The following FKBP4 variants were observed in gnomAD, a reference collection of about 807,000 sequenced individuals.
FKBP4 encodes the protein peptidyl-prolyl cis-trans isomerase FKBP4.
Under a neutral mutation model 54.1 loss-of-function variants are expected in FKBP4, and 28 were observed. The observed-to-expected ratio is 0.52, with a 90% CI of 0.38 to 0.71. The LOEUF (loss-of-function observed/expected upper bound fraction) is 0.71, where lower values mean the gene tolerates loss of function less well. FKBP4 is among the 30% of genes least tolerant of loss of function. The pLI is 0.00. For synonymous variants in FKBP4, 223 were observed against 216.1 expected (o/e 1.03, Z -0.28); for missense variants, 493 against 574.4 (o/e 0.86, Z 1.45).
intron 5 of FKBP4, 41 bp from the exon 6 acceptor site, chr12:2,799,809 A>C: frequency 3.2e-6 from 5 of 1,541,412 alleles, no homozygotes; most frequent in Non-Finnish European, 4.5e-6. Flanking sequence ...GAGCAGGTTA[A>C]GTGTTGCCAA....
At chr12:2,802,773 G>A (rs1730006810) in intron 9 of FKBP4, among the ~76,000 whole-genome samples, 1 of 152,136 alleles carries the variant, frequency 6.6e-6, no homozygotes, top group Admixed American at 6.5e-5. Context: ...TGCCGCCCAG[G>A]CTGGAGTGCA....
rs2097902689 is a variant in FKBP4 at position 2,797,759 on chromosome 12, T to G, written c.281T>G (p.Ile94Arg). 1 of 1,613,690 alleles carries G rather than the reference T, an allele frequency of 6.2e-7. No individual in the cohort carries two copies. The highest frequency in any genetic ancestry group is 8.5e-7 in the Non-Finnish European group (1 of 1,179,806). ...GEVIKAWDIA[I>R]ATMKVGEVCH... ...GTCATCAAGGCTTGGGACATTGCCA[T>G]AGCCACCATGAAGGTGGGGGAGGTG... The change falls in exon 3 of 10, where the codon ATA becomes AGA. Residue 94 changes from isoleucine to arginine, a missense_variant. Transcript: ENST00000001008.
Position 2,795,097 on chromosome 12 carries a change from C to T in FKBP4, c.-43C>T. On this transcript the variant is annotated 5_prime_UTR_variant, in exon 1 of 10. Transcript: ENST00000001008. This position sits in a 1 kb window ranked among gnomAD's most constrained non-coding sequence, Gnocchi z 4.3. The stretch of plus-strand genomic sequence containing the variant: ...CCCCGCCCGCGGCCCAGAGTGCGCT[C>T]GCGCCGGCACCAGCTCCCGGATAAA... 1 of 1,228,106 alleles carries T rather than the reference C, an allele frequency of 8.1e-7. No individual in the cohort carries two copies. Among genetic ancestry groups the T allele is most frequent in the Non-Finnish European group, 1.0e-6 (1 of 961,688 alleles). 76.1% of individuals were successfully genotyped at this position (1,228,106 alleles called of 1,614,324 possible). A position where few individuals can be genotyped will look rare whatever the true frequency, so the allele number is the denominator to read the frequency against.
In FKBP4 at chr12:2,797,199, A is replaced by G. The variant is rs747165184; in HGVS notation, c.167A>G (p.His56Arg). 6.2e-6 allele frequency: 10 copies of G among 1,613,850 alleles called. No individual in the cohort carries two copies. The highest frequency in any genetic ancestry group is 7.6e-6 in the Non-Finnish European group (9 of 1,179,862). The part of the protein sequence containing the change: ...MPMIGDRVFV[H>R]YTGWLLDGTK... ...ATGATTGGGGACCGAGTCTTTGTCC[A>G]CTACACTGGCTGGCTATTAGATGGC... Residue 56 changes from histidine (H) to arginine (R), a missense_variant, in exon 2 of 10, where the codon CAC becomes CGC. Coordinates refer to ENST00000001008, the MANE Select transcript of FKBP4 (RefSeq NM_002014.4).
intron 9 of FKBP4, 113 bp downstream of exon 9, chr12:2,801,469 T>G: frequency 1.3e-6 from 2 of 1,484,788 alleles, no homozygotes; most frequent in Non-Finnish European, 1.9e-6. Context: ...AGAAGTTGCC[T>G]TTTCCCTGGA....
chr12:2,797,323 G>A lies in FKBP4; in HGVS notation c.250+41G>A, dbSNP rs146009454. 8,178 of 1,609,716 alleles carry A rather than the reference G, an allele frequency of 5.1e-3. 18 individuals are homozygous for A. The highest frequency in any genetic ancestry group is 6.4e-3 in the Non-Finnish European group (7,542 of 1,177,284). ...GGGCTGGTAGGATAGGTTCGAGGTGGACACAAGCTGTCACAAGCAGAAACC... is the reference window on the plus strand; with the variant it reads ...GGGCTGGTAGGATAGGTTCGAGGTGAACACAAGCTGTCACAAGCAGAAACC... On this transcript the variant is annotated intron_variant, in intron 2 of 9. Coordinates refer to ENST00000001008, the MANE Select transcript of FKBP4 (RefSeq NM_002014.4).
chr12:2,798,052 T>G lies in FKBP4; in HGVS notation c.393+181T>G, dbSNP rs188311822. Among the ~76,000 whole-genome samples the G allele has an allele frequency of 6.6e-6, 1 of 152,270 alleles. No individual in the cohort carries two copies. Among genetic ancestry groups the G allele is most frequent in the East Asian group, 1.9e-4 (1 of 5,182 alleles). On this transcript the variant is annotated intron_variant, in intron 3 of 9. Transcript: ENST00000001008. This position sits in a 1 kb window ranked among gnomAD's most constrained non-coding sequence, Gnocchi z 4.3. Reference sequence around the variant, plus strand: ...GCTAGTAATGGAAGTAATAGAAGCTTCGGGTGGGAAGAGGCAGGCACAAGC... The same window carrying G: ...GCTAGTAATGGAAGTAATAGAAGCTGCGGGTGGGAAGAGGCAGGCACAAGC...
intron 2 of FKBP4, 137 bp from the exon 3 acceptor site, chr12:2,797,590 AGG>A: frequency 1.9e-6 from 2 of 1,039,038 alleles, no homozygotes; most frequent in Non-Finnish European, 2.8e-6. Context: ...TAATACAACC[AGG>A]TACCTCACCT....
chr12:2,795,979 G>C lies in FKBP4; in HGVS notation c.105+735G>C. 1 of 1,081,698 alleles carries C rather than the reference G, an allele frequency of 9.2e-7. No homozygotes were observed. The highest frequency in any genetic ancestry group is 2.3e-5 in the South Asian group (1 of 42,826). 67.0% of individuals were successfully genotyped at this position (1,081,698 alleles called of 1,614,324 possible). A position where few individuals can be genotyped will look rare whatever the true frequency, so the allele number is the denominator to read the frequency against. ...GCCAGGGCTGCGGGGTGTGGGGCGG[G>C]GAGGAGGCGCTCTGCTGTGGAGCCT... On this transcript the variant is annotated intron_variant, in intron 1 of 9. Transcript: ENST00000001008. The surrounding 1 kb of genome is among the most constrained non-coding windows in gnomAD (Gnocchi z 4.3).
In FKBP4 at chr12:2,798,912, G is replaced by A; in HGVS notation, c.514+86G>A. 1 of 1,496,126 alleles carries A rather than the reference G, an allele frequency of 6.7e-7. No individual in the cohort carries two copies. The highest frequency in any genetic ancestry group is 9.2e-7 in the Non-Finnish European group (1 of 1,083,484). 92.7% of individuals were successfully genotyped at this position (1,496,126 alleles called of 1,614,324 possible). On this transcript the variant is annotated intron_variant, in intron 4 of 9. Transcript: ENST00000001008. This position sits in a 1 kb window ranked among gnomAD's most constrained non-coding sequence, Gnocchi z 4.3. ...TGGGCAAGACACTTCCGTTCTCCGA[G>A]CCTATCTTCTTGTCCATAAAATGAG...
rs1309008550 is a variant in FKBP4, at chr12:2,798,207, G to A, written c.393+336G>A. On this transcript the variant is annotated intron_variant, in intron 3 of 9. Coordinates refer to ENST00000001008, the MANE Select transcript of FKBP4 (RefSeq NM_002014.4). This position sits in a 1 kb window ranked among gnomAD's most constrained non-coding sequence, Gnocchi z 4.3. ...TTATAAATGGCAGTACAGAATATTG[G>A]TGCTCTAGAGACCAGAAGAGGGAGC... Among the ~76,000 whole-genome samples, 2 of 152,204 alleles carry A rather than the reference G, an allele frequency of 1.3e-5. No homozygotes were observed. The highest frequency in any genetic ancestry group is 3.9e-4 in the East Asian group (2 of 5,194).
chr12:2,801,401 T>G, intron 9 of FKBP4, 45 bp downstream of exon 9: 2 of 1,608,234 alleles, frequency 1.2e-6, no homozygotes, highest in Non-Finnish European at 1.7e-6. Flanking sequence ...TCCCTCCACT[T>G]AACCTGGCTA....
At position 2,803,773 on chromosome 12, in the gene FKBP4, C is replaced by T. The variant is rs888948726; in HGVS notation, c.*515C>T. The T allele has an allele frequency of 3.9e-5, 6 of 155,404 alleles. No individual in the cohort carries two copies. Among genetic ancestry groups the T allele is most frequent in the African/African-American group, 1.4e-4 (6 of 41,614 alleles). The allele number at this position is 155,404 out of a possible 1,614,324, so 9.6% of individuals were successfully genotyped here. On this transcript the variant is annotated 3_prime_UTR_variant, in exon 10 of 10. Transcript: ENST00000001008. The stretch of plus-strand genomic sequence containing the variant: ...CCGACGGTGTGGCTGATGATGTCTT[C>T]TGGTGTCATGGTGACCACCCCCTGT...
chr12:2,802,818 C>T lies in FKBP4; in HGVS notation c.1273-333C>T, dbSNP rs572445436. 6.8e-4 allele frequency among the ~76,000 whole-genome samples: 103 copies of T among 152,298 alleles called. 3 individuals carry two copies. In the South Asian group the frequency reaches 0.021, roughly 31 times the overall value. The stretch of plus-strand genomic sequence containing the variant: ...TCTCAGTTCACTGTAACCTCTGCCT[C>T]CAGGGCTCAAGTGATCCTCTTGTCT... On this transcript the variant is annotated intron_variant, in intron 9 of 9. Coordinates refer to ENST00000001008, the MANE Select transcript of FKBP4 (RefSeq NM_002014.4).
Position 2,801,231 on chromosome 12 carries a change from T to C in FKBP4, c.1147T>C (p.Tyr383His). Residue 383 changes from tyrosine (Y) to histidine (H), a missense_variant, in exon 9 of 10, where the codon TAC becomes CAC. By Grantham distance (83) the Tyr-to-His change is moderately conservative. Transcript: ENST00000001008. ...RADFQKVLQL[Y>H]PNNKAAKTQL... The stretch of plus-strand genomic sequence containing the variant: ...TGATTTCCAGAAGGTCCTGCAGCTC[T>C]ACCCCAACAACAAAGCCGCCAAGAC... The C allele has an allele frequency of 6.2e-7, 1 of 1,613,406 alleles. No homozygotes were observed. Among genetic ancestry groups the C allele is most frequent in the Non-Finnish European group, 8.5e-7 (1 of 1,180,024 alleles).
At chr12:2,801,380 T>A in intron 9 of FKBP4, 24 bp downstream of exon 9, 1 of 1,612,790 alleles carries the variant, frequency 6.2e-7, no homozygotes, top group Non-Finnish European at 8.5e-7. Flanking sequence ...TGGGGAACAG[T>A]TGGAATAGCA....
At position 2,804,209 on chromosome 12, in the gene FKBP4, T is replaced by G. The variant is rs1305866035; in HGVS notation, c.*951T>G. 1.3e-5 allele frequency: 2 copies of G among 152,264 alleles called. No individual in the cohort carries two copies. The highest frequency in any genetic ancestry group is 2.9e-5 in the Non-Finnish European group (2 of 68,050). The allele number at this position is 152,264 out of a possible 1,614,324, so 9.4% of individuals were successfully genotyped here. A position where few individuals can be genotyped will look rare whatever the true frequency, so the allele number is the denominator to read the frequency against. ...CCCTCCCTCCAGCAACCTGGCAGTTTTAGTGCCTCTGGTTTTCTTCCCTGA... is the reference window on the plus strand; with the variant it reads ...CCCTCCCTCCAGCAACCTGGCAGTTGTAGTGCCTCTGGTTTTCTTCCCTGA... On this transcript the variant is annotated 3_prime_UTR_variant, in exon 10 of 10. Coordinates refer to ENST00000001008, the MANE Select transcript of FKBP4 (RefSeq NM_002014.4).
In FKBP4 at chr12:2,803,221, C is replaced by A. The variant is rs766636474; in HGVS notation, c.1343C>A (p.Thr448Lys). Residue 448 changes from threonine to lysine, a missense_variant, in exon 10 of 10, where the codon ACG becomes AAG. Thr to Lys is a moderately conservative substitution (Grantham distance 78, BLOSUM62 -1). Coordinates refer to ENST00000001008, the MANE Select transcript of FKBP4 (RefSeq NM_002014.4). ...ATGAAGGAGGAGCAGAAGAGCAACA[C>A]GGCAGGGAGCCAGTCTCAGGTGGAG... The part of the protein sequence containing the change: ...TEMKEEQKSN[T>K]AGSQSQVETE... 5.6e-6 allele frequency: 9 copies of A among 1,600,358 alleles called. No individual in the cohort carries two copies. The South Asian group carries it at 1.0e-4, about 18-fold the overall frequency.
Position 2,803,435 on chromosome 12 carries a change from A to G in FKBP4, c.*177A>G. The G allele has an allele frequency of 1.7e-6, 1 of 578,370 alleles. No individual in the cohort carries two copies. The highest frequency in any genetic ancestry group is 3.1e-6 in the Non-Finnish European group (1 of 322,510). 35.8% of individuals were successfully genotyped at this position (578,370 alleles called of 1,614,324 possible). On this transcript the variant is annotated 3_prime_UTR_variant, in exon 10 of 10. Coordinates refer to ENST00000001008, the MANE Select transcript of FKBP4 (RefSeq NM_002014.4). ...TGTAGGCTGGGGGATTGAGGTGGGG[A>G]ATCATTTTAGCTGGTGTCAGCCCCT...
Sources: gnomAD v4.1 joint callset for allele counts (sites outside exome capture counted in the v4.1 genomes callset) on GRCh38, gnomAD v4.1.1 for gene constraint, Gnocchi (gnomAD v3.1) non-coding constraint, MANE v1.5 for transcripts, NCBI Gene and HGNC (gene_info 2026-07-23, HGNC 2026-07-21) for gene names.